PIP4K2A: variants seen among roughly 807,000 people sequenced by gnomAD.
The protein encoded by PIP4K2A is phosphatidylinositol-5-phosphate 4-kinase type 2 alpha.
A neutral mutation model predicts 42.9 loss-of-function variants in PIP4K2A; 14 were observed. The ratio of observed to expected loss-of-function variants is 0.33; its 90% confidence interval spans 0.22 to 0.51. The LOEUF (loss-of-function observed/expected upper bound fraction) is 0.51, where lower values mean the gene tolerates loss of function less well. Ranked by LOEUF, PIP4K2A falls within the 20% of genes least tolerant of loss-of-function variation. The pLI, the probability that PIP4K2A is intolerant of heterozygous loss-of-function variation, is 0.97. For missense variants in PIP4K2A, 434 were observed against 519.8 expected (o/e 0.83, Z 1.61); for synonymous variants, 192 against 192.2 (o/e 1.00, Z 0.01).
chr10:22,572,488 C>T (rs1293684208), intron 5 of PIP4K2A, among the ~76,000 whole-genome samples: 5 of 151,988 alleles, frequency 3.3e-5, no homozygotes, highest in South Asian at 2.1e-4. Context: ...CATGGTGGTG[C>T]GTGCCTGTGG....
chr10:22,670,441 A>AC (rs1839427086), intron 1 of PIP4K2A, among the ~76,000 whole-genome samples: 1 of 152,182 alleles, frequency 6.6e-6, no homozygotes, highest in Non-Finnish European at 1.5e-5. Context: ...TTCCATATGC[A>AC]AACAGCTGTG....
chr10:22,548,883 C>CAA (rs11308958), intron 7 of PIP4K2A, among the ~76,000 whole-genome samples: 23 of 146,932 alleles, frequency 1.6e-4, no homozygotes, highest in Admixed American at 8.8e-4. Context: ...CTAGTCTCTA[C>CAA]AAAAAAAAAA....
At chr10:22,601,573 G>A (rs1837780141) in intron 3 of PIP4K2A, among the ~76,000 whole-genome samples, 1 of 152,168 alleles carries the variant, frequency 6.6e-6, no homozygotes, top group Admixed American at 6.5e-5. Context: ...AACCCAACAG[G>A]CAACTACTAG....
At chr10:22,697,055 C>T (rs957749129) in intron 1 of PIP4K2A, among the ~76,000 whole-genome samples, 3 of 151,668 alleles carry the variant, frequency 2.0e-5, no homozygotes, top group Non-Finnish European at 4.4e-5. Flanking sequence ...AGTTTATAAG[C>T]GTGACCTTTC....
At chr10:22,644,085 C>T (rs1169325188) in intron 1 of PIP4K2A, among the ~76,000 whole-genome samples, 1 of 152,156 alleles carries the variant, frequency 6.6e-6, no homozygotes, top group East Asian at 1.9e-4. Context: ...CTAAACAACA[C>T]GTAAATATGA....
At chr10:22,581,015 A>AACAG (rs1837264557) in intron 4 of PIP4K2A, among the ~76,000 whole-genome samples, 1 of 152,196 alleles carries the variant, frequency 6.6e-6, no homozygotes, top group South Asian at 2.1e-4. Context: ...ACACTGAACA[A>AACAG]TGCTGGCCGT....
At chr10:22,664,192 CATATATATAT>C (rs67717111) in intron 1 of PIP4K2A, among the ~76,000 whole-genome samples, 608 of 55,396 alleles carry the variant, frequency 0.011, 60 homozygotes, top group African/African-American at 0.068. Context: ...CATATATATA[CATATATATAT>C]ACATATATAT....
rs1356589922 is a variant in PIP4K2A at position 22,537,353 on chromosome 10, C to T, written c.1141-72G>A. On this transcript the variant is annotated intron_variant, in intron 9 of 9. Transcript: ENST00000376573. ...TCCCCAAATTATTACTCAATATCTA[C>T]AGCTATTTCCAATGGCAACTGAATA... 5.1e-6 allele frequency: 6 copies of T among 1,170,626 alleles called. No individual in the cohort carries two copies. In the East Asian group the frequency reaches 7.7e-5, roughly 15 times the overall value. The allele number at this position is 1,170,626 out of a possible 1,614,324, so 72.5% of individuals were successfully genotyped here. A position where few individuals can be genotyped will look rare whatever the true frequency, so the allele number is the denominator to read the frequency against.
At chr10:22,660,187 G>A (rs1839176189) in intron 1 of PIP4K2A, among the ~76,000 whole-genome samples, 1 of 152,124 alleles carries the variant, frequency 6.6e-6, no homozygotes, top group Non-Finnish European at 1.5e-5. Flanking sequence ...AATGCTTACT[G>A]AGGACGGACA....
intron 1 of PIP4K2A, among the ~76,000 whole-genome samples, chr10:22,634,343 T>C (rs564531572): frequency 2.0e-5 from 3 of 152,354 alleles, no homozygotes; most frequent in African/African-American, 4.8e-5. Flanking sequence ...TCCTTTCCTA[T>C]GGTACTTCTT....
intron 1 of PIP4K2A, among the ~76,000 whole-genome samples, chr10:22,634,218 C>A (rs192801215): frequency 1.3e-5 from 2 of 152,182 alleles, no homozygotes; most frequent in Admixed American, 1.3e-4. Context: ...CCAAAGAGGA[C>A]GGGACAGAAC....
chr10:22,587,350 G>A (rs1287882092), intron 4 of PIP4K2A, among the ~76,000 whole-genome samples: 1 of 152,158 alleles, frequency 6.6e-6, no homozygotes, highest in Admixed American at 6.5e-5. Flanking sequence ...GCACCTGAAC[G>A]ATCTGCATTA....
chr10:22,628,100 A>C (rs113466074), intron 1 of PIP4K2A, among the ~76,000 whole-genome samples: 88 of 151,932 alleles, frequency 5.8e-4, no homozygotes, highest in Middle Eastern at 6.8e-3. Context: ...TGATATTCAT[A>C]ATGATCTCTC....
chr10:22,587,971 G>C (rs896752264), intron 4 of PIP4K2A, among the ~76,000 whole-genome samples: 1 of 152,214 alleles, frequency 6.6e-6, no homozygotes, highest in African/African-American at 2.4e-5. Context: ...GAATAGATCA[G>C]TATCAAATAA....
intron 6 of PIP4K2A, among the ~76,000 whole-genome samples, chr10:22,562,558 CA>C (rs1836738707): frequency 2.0e-5 from 3 of 152,158 alleles, no homozygotes; most frequent in African/African-American, 7.2e-5. Flanking sequence ...CGAAAAAAAA[CA>C]AAACAGTTTG....
At chr10:22,609,766 G>A (rs1837989583) in intron 1 of PIP4K2A, 49 bp from the exon 2 acceptor site, 2 of 1,144,074 alleles carry the variant, frequency 1.7e-6, no homozygotes, top group East Asian at 2.4e-5. Flanking sequence ...TCCAGGTGAG[G>A]AGGACTTGAC....
At chr10:22,652,252 A>G (rs1839011780) in intron 1 of PIP4K2A, among the ~76,000 whole-genome samples, 1 of 151,970 alleles carries the variant, frequency 6.6e-6, no homozygotes, top group Admixed American at 6.6e-5. Context: ...TCTCCCGAGT[A>G]GCTGGGACTA....
chr10:22,586,482 T>C (rs56200210), intron 4 of PIP4K2A, among the ~76,000 whole-genome samples: 13,423 of 152,258 alleles, frequency 0.088, 799 homozygotes, highest in Middle Eastern at 0.14. Context: ...GGAAATTAAA[T>C]ACAAGAACGA....
intron 1 of PIP4K2A, among the ~76,000 whole-genome samples, chr10:22,709,724 T>C (rs1833882936): frequency 6.6e-6 from 1 of 152,164 alleles, no homozygotes; most frequent in Non-Finnish European, 1.5e-5. Context: ...CACTCTAAAG[T>C]ATCTGACAAA....
Sources: allele counts gnomAD v4.1 joint callset (sites outside exome capture counted in the v4.1 genomes callset), GRCh38; gene constraint gnomAD v4.1.1; transcripts MANE v1.5; gene names NCBI Gene and HGNC (gene_info 2026-07-23, HGNC 2026-07-21).